The following NTM variants were observed in gnomAD, a reference collection of about 807,000 sequenced individuals.
NTM encodes the protein neurotrimin, also known as IgLON family member 2.
Under a neutral mutation model 42.1 loss-of-function variants are expected in NTM, and 13 were observed. That is an observed-to-expected ratio of 0.31 (90% CI 0.20 to 0.49). NTM has a LOEUF of 0.49. Among genes scored for constraint, NTM ranks in the 20% least tolerant of loss-of-function variants. The probability of loss-of-function intolerance (pLI) is 0.99; values close to 1 mark genes in which losing one functional copy is unlikely to be tolerated. For synonymous variants in NTM, 187 were observed against 179.2 expected, an observed-to-expected ratio of 1.04 and a Z score of -0.35; for missense variants, 373 against 452.8, an observed-to-expected ratio of 0.82 and a Z score of 1.60.
rs559570825 is a variant in NTM at position 131,718,755 on chromosome 11, A to C, written c.83-192809A>C. Among the ~76,000 whole-genome samples, 266 of 152,172 alleles carry C rather than the reference A, an allele frequency of 1.7e-3. 1 individual carries two copies. The highest frequency in any genetic ancestry group is 6.2e-3 in the African/African-American group (259 of 41,522). On this transcript the variant is annotated intron_variant, in intron 1 of 8. Coordinates refer to ENST00000683400, the MANE Select transcript of NTM (RefSeq NM_001352005.2). ...AGCACTCTAATGTTCTTGATCTTCC[A>C]GGGCTTTCAGTTGCTCAACTCTGGG...
rs547010374 is a variant in NTM, at chr11:132,254,079, T to G, written c.526+41932T>G. On this transcript the variant is annotated intron_variant, in intron 4 of 8. Transcript: ENST00000683400. Reference sequence around the variant, plus strand: ...TGCCAAAGCCTCCTCTCACCTGGTGTTGTTTGCTATCCAGACTCTTCCTGT... The same window carrying G: ...TGCCAAAGCCTCCTCTCACCTGGTGGTGTTTGCTATCCAGACTCTTCCTGT... Among the ~76,000 whole-genome samples the G allele has an allele frequency of 2.0e-5, 3 of 152,252 alleles. No individual in the cohort carries two copies. The East Asian group carries it at 5.8e-4, about 30-fold the overall frequency.
intron 4 of NTM, among the ~76,000 whole-genome samples, chr11:132,248,431 A>T (rs1157204987): frequency 1.3e-5 from 2 of 151,980 alleles, no homozygotes; most frequent in Non-Finnish European, 2.9e-5. Context: ...TTGCTTTAAT[A>T]CATGACTGTT....
intron 1 of NTM, among the ~76,000 whole-genome samples, chr11:131,745,183 T>A (rs1040329649): frequency 2.0e-5 from 3 of 152,180 alleles, no homozygotes; most frequent in Non-Finnish European, 4.4e-5. Context: ...TGATTATGGC[T>A]TGTAATACTG....
At chr11:131,807,397 T>C (rs1342975725) in intron 1 of NTM, among the ~76,000 whole-genome samples, 4 of 152,182 alleles carry the variant, frequency 2.6e-5, no homozygotes, top group African/African-American at 9.7e-5. Context: ...GAAAGCTTTC[T>C]CCAAATAGGA....
At chr11:132,275,343 C>T (rs2139749667) in intron 4 of NTM, among the ~76,000 whole-genome samples, 1 of 152,052 alleles carries the variant, frequency 6.6e-6, no homozygotes, top group South Asian at 2.1e-4. Context: ...AATCAATTGA[C>T]TTTATATGTA....
chr11:132,156,165 T>C (rs1298479593), intron 3 of NTM, among the ~76,000 whole-genome samples: 2 of 152,112 alleles, frequency 1.3e-5, no homozygotes, highest in African/African-American at 2.4e-5. Flanking sequence ...CTCAAAGACT[T>C]CTCTTTAGCC....
intron 1 of NTM, among the ~76,000 whole-genome samples, chr11:131,444,366 C>T (rs1301319762): frequency 6.6e-6 from 1 of 152,064 alleles, no homozygotes; most frequent in Non-Finnish European, 1.5e-5. Context: ...GATCAGATTG[C>T]TCATATCAAA....
At chr11:131,625,586 C>T (rs145928500) in intron 1 of NTM, among the ~76,000 whole-genome samples, 1 of 151,870 alleles carries the variant, frequency 6.6e-6, no homozygotes, top group Non-Finnish European at 1.5e-5. Context: ...TAACGTTCCC[C>T]AATAACATAC....
At chr11:131,777,069 T>C (rs1301318398) in intron 1 of NTM, 2 of 951,066 alleles carry the variant, frequency 2.1e-6, no homozygotes, top group African/African-American at 3.5e-5. Context: ...CTGCCATACA[T>C]AGAAAAGGTG....
At chr11:131,393,695 G>C (rs1340870397) in intron 1 of NTM, among the ~76,000 whole-genome samples, 5 of 152,094 alleles carry the variant, frequency 3.3e-5, no homozygotes, top group African/African-American at 1.2e-4. Flanking sequence ...CTCTCTCTCC[G>C]CCCCTCCTTC....
intron 3 of NTM, among the ~76,000 whole-genome samples, chr11:132,197,507 A>T (rs1212825847): frequency 6.6e-6 from 1 of 151,374 alleles, no homozygotes; most frequent in Admixed American, 6.6e-5. Flanking sequence ...TTGATTTTTA[A>T]TTTTTTTATT....
chr11:131,705,300 G>A (rs1260473289), intron 1 of NTM, among the ~76,000 whole-genome samples: 1 of 152,174 alleles, frequency 6.6e-6, no homozygotes, highest in Non-Finnish European at 1.5e-5. Flanking sequence ...AAATCTTGCA[G>A]GTAAGGAGAG....
At chr11:131,789,559 G>GA (rs1258503439) in intron 1 of NTM, among the ~76,000 whole-genome samples, 1 of 20,614 alleles carries the variant, frequency 4.9e-5, no homozygotes, top group Non-Finnish European at 8.5e-5. Context: ...AGAAGAAGAA[G>GA]AAGAAGAAGA....
intron 1 of NTM, among the ~76,000 whole-genome samples, chr11:131,614,298 T>C (rs11824292): frequency 0.036 from 5,484 of 152,306 alleles, 336 homozygotes; most frequent in African/African-American, 0.13. Flanking sequence ...TTCCCATAAA[T>C]GCCCCATGCC....
intron 4 of NTM, among the ~76,000 whole-genome samples, chr11:132,253,985 G>A (rs2092244651): frequency 6.6e-6 from 1 of 152,124 alleles, no homozygotes; most frequent in South Asian, 2.1e-4. Flanking sequence ...CTGGAGAAAT[G>A]AGGCAGTCTC....
rs552852666 is a variant in NTM at position 132,034,146 on chromosome 11, T to C, written c.168-112136T>C. ...GCTGTTTTCTTTGGGATAGCACTTA[T>C]TTCAGAATGAGAAAAATCTTCCCAG... On this transcript the variant is annotated intron_variant, in intron 2 of 8. Transcript: ENST00000683400. 2.0e-5 allele frequency among the ~76,000 whole-genome samples: 3 copies of C among 152,316 alleles called. No individual in the cohort carries two copies. The South Asian group carries it at 6.2e-4, about 32-fold the overall frequency.
chr11:132,189,779 G>A (rs973130849), intron 3 of NTM, among the ~76,000 whole-genome samples: 1 of 152,096 alleles, frequency 6.6e-6, no homozygotes, highest in Admixed American at 6.5e-5. Context: ...ATGTCTTTTA[G>A]TACTGTAGAG....
chr11:131,443,931 C>T (rs1949816668), intron 1 of NTM, among the ~76,000 whole-genome samples: 1 of 152,252 alleles, frequency 6.6e-6, no homozygotes, highest in South Asian at 2.1e-4. Flanking sequence ...AACTATAGTT[C>T]CAGATGACAT....
At chr11:132,327,745 CTGT>C (rs2095713026) in intron 7 of NTM, among the ~76,000 whole-genome samples, 1 of 152,014 alleles carries the variant, frequency 6.6e-6, no homozygotes, top group Non-Finnish European at 1.5e-5. Context: ...GTTCTTTTTA[CTGT>C]TGTTTTCTTC....
Sources: gnomAD v4.1 joint callset for allele counts (sites outside exome capture counted in the v4.1 genomes callset) on GRCh38, gnomAD v4.1.1 for gene constraint, MANE v1.5 for transcripts, NCBI Gene and HGNC (gene_info 2026-07-23, HGNC 2026-07-21) for gene names.